The following GPR179 variants were observed in gnomAD, a reference collection of about 807,000 sequenced individuals.
GPR179 encodes probable G protein-coupled receptor 179.
Under a neutral mutation model 70.8 loss-of-function variants are expected in GPR179, and 52 were observed. That is an observed-to-expected ratio of 0.73 (90% CI 0.59 to 0.93). The LOEUF (loss-of-function observed/expected upper bound fraction) is 0.93, where lower values mean the gene tolerates loss of function less well. Ranked by LOEUF, GPR179 falls within the 40% of genes least tolerant of loss-of-function variation. The pLI is 0.00. For missense variants in GPR179, 2,734 were observed against 2,966.8 expected (o/e 0.92, Z 1.82); for synonymous variants, 1,123 against 1,169.0 (o/e 0.96, Z 0.80).
chr17:38,340,293 T>A (rs183467679), intron 1 of GPR179, among the ~76,000 whole-genome samples: 134 of 152,314 alleles, frequency 8.8e-4, no homozygotes, highest in African/African-American at 3.2e-3. Context: ...TGTGCCACCA[T>A]GCCTGGCTAG....
Position 38,327,381 on chromosome 17 carries a change from G to A in GPR179, c.6188C>T (p.Pro2063Leu). The change falls in exon 11 of 11, where the codon CCA becomes CTA. Residue 2063 changes from proline (P) to leucine (L), a missense_variant. By Grantham distance (98) the Pro-to-Leu change is moderately conservative. Coordinates refer to ENST00000616987, the MANE Select transcript of GPR179 (RefSeq NM_001004334.4). ...CTGCTGCCTGAAGTCTGCCATCTCT[G>A]GCTTTTTCTGAACTGGCACACCTTT... ...EPKGVPVQKKPEMADFRQQEA... is the reference protein window; with the variant it reads ...EPKGVPVQKKLEMADFRQQEA... 2 of 1,614,180 alleles carry A rather than the reference G, an allele frequency of 1.2e-6. No homozygotes were observed. Among genetic ancestry groups the A allele is most frequent in the Non-Finnish European group, 1.7e-6 (2 of 1,180,046 alleles).
At position 38,343,463 on chromosome 17, in the gene GPR179, G is replaced by T; in HGVS notation, c.327C>A (p.Leu109=). 6.2e-7 allele frequency: 1 copy of T among 1,614,066 alleles called. No homozygotes were observed. Among genetic ancestry groups the T allele is most frequent in the South Asian group, 1.1e-5 (1 of 91,092 alleles). ...TGTCGTTGGCTTGCAGCAGCATGTT[G>T]AGAAAATTGGCGGCCTGGGCAAGGG... ...AGTLAQAANF[L]NMLLQANDIR... is the part of the protein sequence containing the mutation. Residue 109 remains leucine, a synonymous_variant, in exon 1 of 11, where the codon CTC becomes CTA. Transcript: ENST00000616987. This position sits in a 1 kb window ranked among gnomAD's most constrained non-coding sequence, Gnocchi z 4.2.
At position 38,330,492 on chromosome 17, in the gene GPR179, C is replaced by G. The variant is rs751002235; in HGVS notation, c.3077G>C (p.Arg1026Pro). The change falls in exon 11 of 11, where the codon CGA (arginine) becomes CCA (proline). Residue 1026 changes from arginine to proline, a missense_variant. Transcript: ENST00000616987. ...ERGHHSPAPARARLWRALSVA... is the reference protein window; with the variant it reads ...ERGHHSPAPAPARLWRALSVA... Reference sequence around the variant, plus strand: ...AGAGAGGGCCCTCCAGAGCCTGGCTCGAGCTGGGGCAGGGGAGTGGTGGCC... The same window carrying G: ...AGAGAGGGCCCTCCAGAGCCTGGCTGGAGCTGGGGCAGGGGAGTGGTGGCC... 2 of 1,551,620 alleles carry G rather than the reference C, an allele frequency of 1.3e-6. No individual in the cohort carries two copies. The highest frequency in any genetic ancestry group is 1.7e-6 in the Non-Finnish European group (2 of 1,148,340).
chr17:38,341,478 ACCAGCAGTTCC>A (rs2037448441), intron 1 of GPR179, among the ~76,000 whole-genome samples: 1 of 152,246 alleles, frequency 6.6e-6, no homozygotes, highest in African/African-American at 2.4e-5. Flanking sequence ...CACTGCCTGG[ACCAGCAGTTCC>A]CCAGCCTTTG....
rs1180141060 is a variant in GPR179, at chr17:38,329,133, C to T, written c.4436G>A (p.Cys1479Tyr). 1.2e-6 allele frequency: 2 copies of T among 1,613,990 alleles called. No homozygotes were observed. Among genetic ancestry groups the T allele is most frequent in the South Asian group, 2.2e-5 (2 of 91,086 alleles). ...DAPAIQKAEI[C>Y]PWELDDNVMG... Reference sequence around the variant, plus strand: ...CACGTTATCATCCAGCTCCCAGGGACAGATCTCTGCTTTCTGGATAGCAGG... The same window carrying T: ...CACGTTATCATCCAGCTCCCAGGGATAGATCTCTGCTTTCTGGATAGCAGG... The change falls in exon 11 of 11, where the codon TGT becomes TAT. Residue 1479 changes from cysteine to tyrosine, a missense_variant. Physicochemically the swap from Cys to Tyr is radical, Grantham distance 194. Transcript: ENST00000616987.
chr17:38,343,462 T>C lies in GPR179; in HGVS notation c.328A>G (p.Asn110Asp). ...ATGTCGTTGGCTTGCAGCAGCATGT[T>C]GAGAAAATTGGCGGCCTGGGCAAGG... Reference protein sequence around the residue: ...GTLAQAANFLNMLLQANDIRE... With the variant: ...GTLAQAANFLDMLLQANDIRE... Residue 110 changes from asparagine to aspartate, a missense_variant, in exon 1 of 11, where the codon AAC becomes GAC. By Grantham distance (23) the Asn-to-Asp change is conservative. Coordinates refer to ENST00000616987, the MANE Select transcript of GPR179 (RefSeq NM_001004334.4). This position sits in a 1 kb window ranked among gnomAD's most constrained non-coding sequence, Gnocchi z 4.2. 1 of 1,613,804 alleles carries C rather than the reference T, an allele frequency of 6.2e-7. No individual in the cohort carries two copies. Among genetic ancestry groups the C allele is most frequent in the Non-Finnish European group, 8.5e-7 (1 of 1,179,844 alleles).
rs775733052 is a variant in GPR179 at position 38,343,193 on chromosome 17, C to A, written c.597G>T (p.Lys199Asn). 6.2e-7 allele frequency: 1 copy of A among 1,614,108 alleles called. No individual in the cohort carries two copies. Among genetic ancestry groups the A allele is most frequent in the Middle Eastern group, 1.6e-4 (1 of 6,062 alleles). Residue 199 changes from lysine to asparagine, a missense_variant, in exon 1 of 11, where the codon AAG becomes AAT. Lys to Asn is a moderately conservative substitution (Grantham distance 94, BLOSUM62 0). Transcript: ENST00000616987. The surrounding 1 kb of genome is among the most constrained non-coding windows in gnomAD (Gnocchi z 4.2). Reference sequence around the variant, plus strand: ...TCCCTAGGTCATTGGTCAACACTCGCTTCTTCAGGGCAGGGGTGTCCAGGT... The same window carrying A: ...TCCCTAGGTCATTGGTCAACACTCGATTCTTCAGGGCAGGGGTGTCCAGGT... ...PGDLDTPALKKRVLTNDLGSL... is the reference protein window; with the variant it reads ...PGDLDTPALKNRVLTNDLGSL...
In GPR179 at chr17:38,329,518, C is replaced by A. The variant is rs141821928; in HGVS notation, c.4051G>T (p.Asp1351Tyr). 86 of 1,614,084 alleles carry A rather than the reference C, an allele frequency of 5.3e-5. No homozygotes were observed. The African/African-American group carries it at 1.0e-3, about 19-fold the overall frequency. ...GRIRDKSEAG[D>Y]SVEARKVEKP... ...TCCACCTTCCTGGCCTCCACACTGT[C>A]CCCCGCCTCAGATTTGTCTCTGATT... Residue 1351 changes from aspartate (D) to tyrosine (Y), a missense_variant, in exon 11 of 11, where the codon GAC becomes TAC. Coordinates refer to ENST00000616987, the MANE Select transcript of GPR179 (RefSeq NM_001004334.4).
At position 38,330,651 on chromosome 17, in the gene GPR179, G is replaced by A; in HGVS notation, c.2918C>T (p.Ala973Val). ...ALLPALAPTPAPALAPVPVSP... is the reference protein window; with the variant it reads ...ALLPALAPTPVPALAPVPVSP... ...TACTGGGACTGGTGCCAGGGCAGGG[G>A]CTGGGGTTGGAGCTAGAGCTGGCAG... The change falls in exon 11 of 11, where the codon GCC becomes GTC. Residue 973 changes from alanine (A) to valine (V), a missense_variant. By Grantham distance (64) the Ala-to-Val change is moderately conservative (BLOSUM62 0). Transcript: ENST00000616987. The A allele has an allele frequency of 6.3e-7, 1 of 1,598,282 alleles. No homozygotes were observed. Among genetic ancestry groups the A allele is most frequent in the Non-Finnish European group, 8.5e-7 (1 of 1,170,956 alleles).
Position 38,330,725 on chromosome 17 carries a change from C to A in GPR179, c.2844G>T (p.Leu948=). The A allele has an allele frequency of 1.3e-6, 2 of 1,590,086 alleles. No individual in the cohort carries two copies. The highest frequency in any genetic ancestry group is 1.1e-5 in the South Asian group (1 of 87,810). The part of the protein sequence containing the change: ...STPILALSGG[L]GEPRMLSPTS... ...TGGGAGATAGCATCCTTGGCTCTCC[C>A]AGGCCCCCAGACAGGGCCAAGATGG... Residue 948 remains leucine (L), a synonymous_variant, in exon 11 of 11, where the codon CTG becomes CTT. Transcript: ENST00000616987.
At position 38,327,055 on chromosome 17, in the gene GPR179, C is replaced by G; in HGVS notation, c.6514G>C (p.Ala2172Pro). The G allele has an allele frequency of 6.2e-7, 1 of 1,614,228 alleles. No individual in the cohort carries two copies. Among genetic ancestry groups the G allele is most frequent in the Non-Finnish European group, 8.5e-7 (1 of 1,180,038 alleles). Reference protein sequence around the residue: ...PGGTEEHFSKAAAKPREQEAV... With the variant: ...PGGTEEHFSKPAAKPREQEAV... ...TCCTGCTCTCTGGGCTTTGCTGCTGCTTTTGAGAAGTGTTCTTCCGTCCCT... is the reference window on the plus strand; with the variant it reads ...TCCTGCTCTCTGGGCTTTGCTGCTGGTTTTGAGAAGTGTTCTTCCGTCCCT... Residue 2172 changes from alanine to proline, a missense_variant, in exon 11 of 11, where the codon GCA (alanine) becomes CCA (proline). Ala to Pro is a conservative substitution (Grantham distance 27). Transcript: ENST00000616987.
chr17:38,343,609 C>A lies in GPR179; in HGVS notation c.181G>T (p.Ala61Ser), dbSNP rs746508651. The A allele has an allele frequency of 3.1e-6, 5 of 1,613,656 alleles. No homozygotes were observed. In the African/African-American group the frequency reaches 4.0e-5, roughly 13 times the overall value. Residue 61 changes from alanine to serine, a missense_variant, in exon 1 of 11, where the codon GCT (alanine) becomes TCT (serine). By Grantham distance (99) the Ala-to-Ser change is moderately conservative. Coordinates refer to ENST00000616987, the MANE Select transcript of GPR179 (RefSeq NM_001004334.4). This position sits in a 1 kb window ranked among gnomAD's most constrained non-coding sequence, Gnocchi z 4.2. ...VPLEGAEAAL[A>S]YLYSGDAQQL... ...TGGGCATCTCCAGAGTAGAGATAAG[C>A]GAGGGCGGCCTCGGCCCCCTCTAGG...
chr17:38,329,173 C>G lies in GPR179; in HGVS notation c.4396G>C (p.Glu1466Gln), dbSNP rs752774323. ...TGGATAGCAGGAGCATCTCCTGCCT[C>G]CCACAGACACACTTCAGCAATGCCA... Reference protein sequence around the residue: ...GSGIAEVCLWEAGDAPAIQKA... With the variant: ...GSGIAEVCLWQAGDAPAIQKA... The change falls in exon 11 of 11, where the codon GAG becomes CAG. Residue 1466 changes from glutamate (E) to glutamine (Q), a missense_variant. Glu to Gln is a conservative substitution (Grantham distance 29). Coordinates refer to ENST00000616987, the MANE Select transcript of GPR179 (RefSeq NM_001004334.4). 3 of 1,613,984 alleles carry G rather than the reference C, an allele frequency of 1.9e-6. No individual in the cohort carries two copies. The highest frequency in any genetic ancestry group is 2.5e-6 in the Non-Finnish European group (3 of 1,180,018).
chr17:38,336,281 C>T (rs2037404029), intron 4 of GPR179, 137 bp from the exon 5 acceptor site: 1 of 688,824 alleles, frequency 1.5e-6, no homozygotes, highest in African/African-American at 1.8e-5. Context: ...TCTCTGCCCA[C>T]ATCCACGTCC....
In GPR179 at chr17:38,325,457, C is replaced by T. The variant is rs139742913; in HGVS notation, c.*1008G>A. On this transcript the variant is annotated 3_prime_UTR_variant, in exon 11 of 11. Coordinates refer to ENST00000616987, the MANE Select transcript of GPR179 (RefSeq NM_001004334.4). ...TGTTACTGAGCAAGTGATTCTTGGG[C>T]GGGGAGGGGTGGGGGAGGGTGGATG... 17 of 11,034 alleles carry T rather than the reference C, an allele frequency of 1.5e-3. No individual in the cohort carries two copies. The highest frequency in any genetic ancestry group is 5.2e-3 in the African/African-American group (13 of 2,500). 0.7% of individuals were successfully genotyped at this position (11,034 alleles called of 1,614,324 possible).
At chr17:38,332,752 G>A (rs2037370283) in intron 10 of GPR179, among the ~76,000 whole-genome samples, 1 of 152,252 alleles carries the variant, frequency 6.6e-6, no homozygotes, top group African/African-American at 2.4e-5. Flanking sequence ...TGGGACCACA[G>A]ACATGTACCA....
Position 38,329,879 on chromosome 17 carries a change from G to A in GPR179, c.3690C>T (p.Leu1230=). Residue 1230 remains leucine (L), a synonymous_variant, in exon 11 of 11, where the codon CTC becomes CTT. Coordinates refer to ENST00000616987, the MANE Select transcript of GPR179 (RefSeq NM_001004334.4). ...TGTGGTCAGCGCTGCCCAGGGACTG[G>A]AGGCCAGCTTTGGGCAGTTCCTGCC... is the stretch of plus-strand genomic sequence containing the variant. ...VGWQELPKAG[L]QSLGSADHRV... The A allele has an allele frequency of 6.2e-7, 1 of 1,614,166 alleles. No homozygotes were observed. Among genetic ancestry groups the A allele is most frequent in the South Asian group, 1.1e-5 (1 of 91,084 alleles).
At position 38,335,120 on chromosome 17, in the gene GPR179, C is replaced by T. The variant is rs201283251; in HGVS notation, c.1558G>A (p.Ala520Thr). The change falls in exon 7 of 11, where the codon GCA (alanine) becomes ACA (threonine). Residue 520 changes from alanine (A) to threonine (T), a missense_variant. By Grantham distance (58) the Ala-to-Thr change is moderately conservative. Coordinates refer to ENST00000616987, the MANE Select transcript of GPR179 (RefSeq NM_001004334.4). Reference sequence around the variant, plus strand: ...GTGTGGCCTCGGATCACCAGAGGTGCGTGCTGGATGCCTCGCTCCAGGGCG... The same window carrying T: ...GTGTGGCCTCGGATCACCAGAGGTGTGTGCTGGATGCCTCGCTCCAGGGCG... ...VGALERGIQH[A>T]PLVIRGHTPS... 9 of 1,608,550 alleles carry T rather than the reference C, an allele frequency of 5.6e-6. No homozygotes were observed. Among genetic ancestry groups the T allele is most frequent in the Admixed American group, 1.7e-5 (1 of 59,024 alleles).
chr17:38,327,589 C>T lies in GPR179; in HGVS notation c.5980G>A (p.Ala1994Thr). ...SQRLVSTGGR[A>T]ADVCPWDVPD... ...ACATCCCATGGGCACACGTCAGCGG[C>T]CCTGCCCCCAGTGCTGACCAGTCTC... The change falls in exon 11 of 11, where the codon GCC becomes ACC. Residue 1994 changes from alanine (A) to threonine (T), a missense_variant. Transcript: ENST00000616987. The T allele has an allele frequency of 1.2e-6, 2 of 1,613,818 alleles. No individual in the cohort carries two copies. Among genetic ancestry groups the T allele is most frequent in the Non-Finnish European group, 1.7e-6 (2 of 1,179,946 alleles).
Sources: gnomAD v4.1 joint callset for allele counts (sites outside exome capture counted in the v4.1 genomes callset) on GRCh38, gnomAD v4.1.1 for gene constraint, Gnocchi (gnomAD v3.1) non-coding constraint, MANE v1.5 for transcripts, NCBI Gene and HGNC (gene_info 2026-07-23, HGNC 2026-07-21) for gene names.